The following DLG2 variants were observed in gnomAD, a reference collection of about 807,000 sequenced individuals.
The protein encoded by DLG2 is disks large homolog 2.
In DLG2, 45 loss-of-function variants were observed where a neutral mutation model predicts 132.5. That is an observed-to-expected ratio of 0.34 (90% confidence interval 0.27 to 0.44). The LOEUF (loss-of-function observed/expected upper bound fraction) is 0.44, where lower values mean the gene tolerates loss of function less well. DLG2 is among the 20% of genes least tolerant of loss of function. The probability of loss-of-function intolerance (pLI) is 1.00; values close to 1 mark genes in which losing one functional copy is unlikely to be tolerated. For missense variants in DLG2, 1,045 were observed against 1,196.9 expected (o/e 0.87, Z 1.87); for synonymous variants, 424 against 419.6 (o/e 1.01, Z -0.13).
intron 7 of DLG2, among the ~76,000 whole-genome samples, chr11:84,480,676 T>G (rs369919615): frequency 1.3e-5 from 2 of 152,126 alleles, no homozygotes; most frequent in African/African-American, 4.8e-5. Context: ...ACTGAAATAT[T>G]TATCTAGTCT....
At chr11:84,567,620 A>G (rs146927208) in intron 6 of DLG2, among the ~76,000 whole-genome samples, 5 of 152,342 alleles carry the variant, frequency 3.3e-5, no homozygotes, top group Admixed American at 1.3e-4. Flanking sequence ...TATCTGCCAT[A>G]CTGTTAAAGT....
At chr11:85,378,380 A>C (rs1193814275) in intron 3 of DLG2, among the ~76,000 whole-genome samples, 1 of 152,170 alleles carries the variant, frequency 6.6e-6, no homozygotes, top group African/African-American at 2.4e-5. Flanking sequence ...ATAGATATAA[A>C]TCCCAATTTC....
chr11:83,967,368 C>G (rs1441712909), intron 12 of DLG2, among the ~76,000 whole-genome samples: 1 of 152,080 alleles, frequency 6.6e-6, no homozygotes, highest in African/African-American at 2.4e-5. Flanking sequence ...TACAAGTGCT[C>G]CCTTTTCTCC....
At chr11:83,829,678 C>G (rs868803482) in intron 17 of DLG2, among the ~76,000 whole-genome samples, 36 of 152,240 alleles carry the variant, frequency 2.4e-4, no homozygotes, top group Admixed American at 2.0e-3. Flanking sequence ...CTGTTCTTTT[C>G]TCTCAATGTT....
rs114003507 is a variant in DLG2, at chr11:85,303,728, G to A, written c.41-18363C>T. On this transcript the variant is annotated intron_variant, in intron 3 of 27. Transcript: ENST00000376104. ...AGAGATCTGAGTTCTAGTCCCAATT[G>A]CCATTAACTAGCTATCTGGCCTTAT... Among the ~76,000 whole-genome samples, 373 of 152,266 alleles carry A rather than the reference G, an allele frequency of 2.4e-3. 2 individuals are homozygous for A. Among genetic ancestry groups the A allele is most frequent in the African/African-American group, 8.7e-3 (361 of 41,556 alleles).
At chr11:83,802,371 G>A (rs998037904) in intron 17 of DLG2, among the ~76,000 whole-genome samples, 4 of 152,120 alleles carry the variant, frequency 2.6e-5, no homozygotes, top group Non-Finnish European at 4.4e-5. Context: ...ATCCTGAGAT[G>A]AGATGTGTGT....
intron 7 of DLG2, among the ~76,000 whole-genome samples, chr11:84,270,644 G>A (rs1022173477): frequency 6.6e-6 from 1 of 152,264 alleles, no homozygotes; most frequent in African/African-American, 2.4e-5. Flanking sequence ...CTTATGGTGT[G>A]TGAGTGAGAT....
At chr11:84,466,764 G>T (rs186306731) in intron 7 of DLG2, among the ~76,000 whole-genome samples, 1 of 151,164 alleles carries the variant, frequency 6.6e-6, no homozygotes, top group Non-Finnish European at 1.5e-5. Flanking sequence ...CAGAAATCCC[G>T]TTTACAGGAT....
At chr11:85,169,264 C>G (rs1165559918) in intron 4 of DLG2, among the ~76,000 whole-genome samples, 1 of 152,190 alleles carries the variant, frequency 6.6e-6, no homozygotes, top group Admixed American at 6.5e-5. Flanking sequence ...GATGCAGAAC[C>G]TGTGGCTAAG....
chr11:83,503,911 A>T (rs968872656), intron 21 of DLG2, among the ~76,000 whole-genome samples: 1 of 152,192 alleles, frequency 6.6e-6, no homozygotes, highest in African/African-American at 2.4e-5. Context: ...ATAATCTTCA[A>T]ATAAAGACAA....
At chr11:84,445,409 T>C (rs1333237116) in intron 7 of DLG2, among the ~76,000 whole-genome samples, 1 of 152,194 alleles carries the variant, frequency 6.6e-6, no homozygotes, top group Non-Finnish European at 1.5e-5. Flanking sequence ...TAGAAACAGA[T>C]TTGTAAATCG....
intron 7 of DLG2, among the ~76,000 whole-genome samples, chr11:84,258,308 T>C (rs2097506338): frequency 1.3e-5 from 2 of 152,148 alleles, no homozygotes; most frequent in Non-Finnish European, 2.9e-5. Flanking sequence ...TCTAGAATCA[T>C]AGAACTTTTA....
At chr11:83,948,232 T>C (rs368940189) in intron 14 of DLG2, among the ~76,000 whole-genome samples, 1 of 152,194 alleles carries the variant, frequency 6.6e-6, no homozygotes, top group African/African-American at 2.4e-5. Flanking sequence ...GGAAGGAGTA[T>C]ACATGAGAAA....
intron 6 of DLG2, among the ~76,000 whole-genome samples, chr11:84,689,335 A>G (rs972123039): frequency 2.6e-5 from 4 of 151,970 alleles, no homozygotes; most frequent in African/African-American, 9.7e-5. Flanking sequence ...CTCTATTTGG[A>G]TACTTTGAAT....
At chr11:84,135,223 C>T (rs558270405) in intron 9 of DLG2, among the ~76,000 whole-genome samples, 1 of 152,140 alleles carries the variant, frequency 6.6e-6, no homozygotes, top group African/African-American at 2.4e-5. Context: ...ATAAATGTTG[C>T]TCAACCAGCA....
intron 6 of DLG2, among the ~76,000 whole-genome samples, chr11:84,767,438 C>A (rs888222493): frequency 6.6e-6 from 1 of 151,902 alleles, no homozygotes; most frequent in African/African-American, 2.4e-5. Flanking sequence ...TTCATTTTTA[C>A]AACTATATAG....
intron 6 of DLG2, among the ~76,000 whole-genome samples, chr11:85,010,557 T>C (rs2059066626): frequency 6.6e-6 from 1 of 152,140 alleles, no homozygotes; most frequent in Non-Finnish European, 1.5e-5. Flanking sequence ...AGCTCTAAAC[T>C]GTACCTTTTC....
intron 15 of DLG2, among the ~76,000 whole-genome samples, chr11:83,924,856 AAC>A (rs1175485835): frequency 2.0e-5 from 3 of 152,128 alleles, no homozygotes; most frequent in Non-Finnish European, 4.4e-5. Flanking sequence ...CCCAGCAGAG[AAC>A]AGTTAGAAGT....
intron 3 of DLG2, among the ~76,000 whole-genome samples, chr11:85,597,440 T>C (rs2079848311): frequency 6.6e-6 from 1 of 152,054 alleles, no homozygotes. Context: ...ATAAGGTTTA[T>C]TCAAATTCTG....
Sources: allele counts gnomAD v4.1 joint callset (sites outside exome capture counted in the v4.1 genomes callset), GRCh38; gene constraint gnomAD v4.1.1; transcripts MANE v1.5; gene names NCBI Gene and HGNC (gene_info 2026-07-23, HGNC 2026-07-21).